The following UGDH variants were observed in gnomAD, a reference collection of about 807,000 sequenced individuals.
UGDH encodes UDP-Glc dehydrogenase.
Under a neutral mutation model 50.6 loss-of-function variants are expected in UGDH, and 38 were observed. That is an observed-to-expected ratio of 0.75 (90% CI 0.58 to 0.98). The LOEUF is 0.98. Among genes scored for constraint, UGDH ranks in the 50% least tolerant of loss-of-function variants. The probability of loss-of-function intolerance (pLI) is 0.00; values close to 1 mark genes in which losing one functional copy is unlikely to be tolerated. For synonymous variants in UGDH, 168 were observed against 199.9 expected (o/e 0.84, Z 1.35); for missense variants, 465 against 606.2 (o/e 0.77, Z 2.45).
chr4:39,519,442 T>C (rs1485314130), intron 2 of UGDH, among the ~76,000 whole-genome samples: 2 of 152,162 alleles, frequency 1.3e-5, no homozygotes, highest in Non-Finnish European at 2.9e-5. Flanking sequence ...TCAAATGACT[T>C]GCAACCCTTT....
In UGDH at chr4:39,521,472, T is replaced by C. The variant is rs369608407; in HGVS notation, c.41A>G (p.Tyr14Cys). The change falls in exon 2 of 12, where the codon TAT becomes TGT. Residue 14 changes from tyrosine to cysteine, a missense_variant. Coordinates refer to ENST00000316423, the MANE Select transcript of UGDH (RefSeq NM_003359.4). The part of the protein sequence containing the change: ...IKKICCIGAG[Y>C]VGGPTCSVIA... The stretch of plus-strand genomic sequence containing the variant: ...GACACTACATGTGGGTCCTCCAACA[T>C]AGCCTGCACCGATGCAACAGATCTT... 1.2e-6 allele frequency: 2 copies of C among 1,609,854 alleles called. No individual in the cohort carries two copies. Among genetic ancestry groups the C allele is most frequent in the Non-Finnish European group, 1.7e-6 (2 of 1,178,250 alleles).
At chr4:39,514,834 C>G (rs2109935747) in intron 2 of UGDH, among the ~76,000 whole-genome samples, 1 of 152,136 alleles carries the variant, frequency 6.6e-6, no homozygotes, top group East Asian at 1.9e-4. Flanking sequence ...AGGCATGCAC[C>G]ACCACACTGG....
At chr4:39,522,863 A>G (rs1438058551) in intron 1 of UGDH, among the ~76,000 whole-genome samples, 3 of 151,788 alleles carry the variant, frequency 2.0e-5, no homozygotes, top group Admixed American at 1.3e-4. Context: ...CCTGGGTTCA[A>G]GCAGTTCTCC....
chr4:39,523,081 C>T (rs963057537), intron 1 of UGDH, among the ~76,000 whole-genome samples: 3 of 151,848 alleles, frequency 2.0e-5, no homozygotes, highest in African/African-American at 4.8e-5. Context: ...GACAGAATCT[C>T]ACTTTGTCAC....
intron 1 of UGDH, 94 bp downstream of exon 1, chr4:39,527,189 A>G (rs2109955342): frequency 1.7e-6 from 2 of 1,196,590 alleles, no homozygotes; most frequent in African/African-American, 3.1e-5. Context: ...GACCGGGAGC[A>G]GCGCGCACAC....
intron 1 of UGDH, among the ~76,000 whole-genome samples, chr4:39,523,007 C>T (rs1282797755): frequency 2.6e-5 from 4 of 152,080 alleles, no homozygotes; most frequent in Middle Eastern, 6.8e-3. Flanking sequence ...GTGATCCACC[C>T]GCCTCAGCCT....
intron 1 of UGDH, chr4:39,527,017 G>A: frequency 7.8e-7 from 1 of 1,289,296 alleles, no homozygotes; most frequent in Middle Eastern, 2.1e-4. Context: ...CAGGAAAGTG[G>A]GTAAAGGCAG....
intron 1 of UGDH, among the ~76,000 whole-genome samples, chr4:39,524,457 T>C (rs887107694): frequency 1.3e-5 from 2 of 152,154 alleles, no homozygotes; most frequent in Non-Finnish European, 2.9e-5. Context: ...TTAGTTCAGA[T>C]TGCCGATCAT....
rs1371247878 is a variant in UGDH, at chr4:39,510,771, T to C, written c.355A>G (p.Asn119Asp). 1 of 1,614,230 alleles carries C rather than the reference T, an allele frequency of 6.2e-7. No individual in the cohort carries two copies. The highest frequency in any genetic ancestry group is 8.5e-7 in the Non-Finnish European group (1 of 1,180,048). ...GTCACAATTTTGTACCCATTTGAGTTTTGCACAATGCGTCTAGCACAAGCT... is the reference window on the plus strand; with the variant it reads ...GTCACAATTTTGTACCCATTTGAGTCTTGCACAATGCGTCTAGCACAAGCT... ...IEACARRIVQ[N>D]SNGYKIVTEK... The change falls in exon 4 of 12, where the codon AAC (asparagine) becomes GAC (aspartate). Residue 119 changes from asparagine to aspartate, a missense_variant. Asn to Asp is a conservative substitution (Grantham distance 23, BLOSUM62 1). Transcript: ENST00000316423.
Position 39,510,483 on chromosome 4 carries a change from ACT to A in UGDH, c.531_532del (p.Arg177SerfsTer7). On this transcript the variant is annotated frameshift_variant, in exon 5 of 12. Coordinates refer to ENST00000316423, the MANE Select transcript of UGDH (RefSeq NM_003359.4). LOFTEE classifies it high-confidence loss of function. Reference sequence around the variant, plus strand: ...TGGAGTTTCATCCCCTCCAATCAGTACTCTGTCTGGGTTCTTTAGGTCCTTGA... The same window carrying A: ...TGGAGTTTCATCCCCTCCAATCAGTACTGTCTGGGTTCTTTAGGTCCTTGA... The A allele has an allele frequency of 3.1e-6, 5 of 1,613,798 alleles. No individual in the cohort carries two copies. Among genetic ancestry groups the A allele is most frequent in the Non-Finnish European group, 3.4e-6 (4 of 1,179,948 alleles).
At chr4:39,509,226 C>T (rs544283783) in intron 6 of UGDH, among the ~76,000 whole-genome samples, 34 of 151,818 alleles carry the variant, frequency 2.2e-4, no homozygotes, top group South Asian at 4.2e-4. Flanking sequence ...GCAATTTGCC[C>T]GCCTTGGCCT....
intron 3 of UGDH, among the ~76,000 whole-genome samples, chr4:39,513,528 GTTCT>G (rs1746323055): frequency 1.6e-5 from 2 of 127,780 alleles, no homozygotes; most frequent in Admixed American, 8.4e-5. Flanking sequence ...GCATTTCCTA[GTTCT>G]TTTTTTTTTT....
chr4:39,517,204 ATTT>A (rs202114945), intron 2 of UGDH, among the ~76,000 whole-genome samples: 7 of 141,192 alleles, frequency 5.0e-5, no homozygotes, highest in Admixed American at 7.1e-5. Flanking sequence ...TTACTACTAA[ATTT>A]TTTTTTTTTT....
intron 1 of UGDH, among the ~76,000 whole-genome samples, chr4:39,523,326 ACAGGCACGAGCCACTGTGC>A (rs1746743368): frequency 6.6e-6 from 1 of 152,096 alleles, no homozygotes; most frequent in South Asian, 2.1e-4. Flanking sequence ...TGCTAGCATT[ACAGGCACGAGCCACTGTGC>A]CAGGCCCCTC....
At chr4:39,505,493 T>C (rs759147610) in intron 8 of UGDH, 123 bp from the exon 9 acceptor site, 40 of 1,113,568 alleles carry the variant, frequency 3.6e-5, no homozygotes, top group Non-Finnish European at 4.2e-5. Context: ...GATATGGATA[T>C]TTATTTTTAT....
chr4:39,518,713 C>A (rs1331419177), intron 2 of UGDH, among the ~76,000 whole-genome samples: 1 of 151,914 alleles, frequency 6.6e-6, no homozygotes, highest in South Asian at 2.1e-4. Flanking sequence ...TCTCGCCCGG[C>A]CTCCCAAACT....
chr4:39,503,803 T>C (rs1260569518), intron 11 of UGDH, 72 bp downstream of exon 11: 9 of 1,330,122 alleles, frequency 6.8e-6, no homozygotes, highest in Admixed American at 4.1e-5. Flanking sequence ...GACTAGATTA[T>C]AGTCCCCAGT....
intron 11 of UGDH, among the ~76,000 whole-genome samples, chr4:39,500,820 A>G (rs911019656): frequency 2.6e-5 from 4 of 151,606 alleles, no homozygotes; most frequent in Admixed American, 2.0e-4. Context: ...ACACCTGGCT[A>G]ATTTTTGTAT....
chr4:39,521,342 T>C lies in UGDH; in HGVS notation c.162+9A>G. On this transcript the variant is annotated intron_variant, in intron 2 of 11. Coordinates refer to ENST00000316423, the MANE Select transcript of UGDH (RefSeq NM_003359.4). ...AGCATAAAAACAAAGAGATGTTTAA[T>C]ATGTTTACCTCATAAATAGGAAGTG... 2 of 1,593,734 alleles carry C rather than the reference T, an allele frequency of 1.3e-6. No individual in the cohort carries two copies. Among genetic ancestry groups the C allele is most frequent in the Non-Finnish European group, 1.7e-6 (2 of 1,171,098 alleles).
Sources: allele counts gnomAD v4.1 joint callset (sites outside exome capture counted in the v4.1 genomes callset), GRCh38; gene constraint gnomAD v4.1.1; transcripts MANE v1.5; gene names NCBI Gene and HGNC (gene_info 2026-07-23, HGNC 2026-07-21).